FNTA: variants seen among roughly 807,000 people sequenced by gnomAD.
The protein encoded by FNTA is protein farnesyltransferase/geranylgeranyltransferase type-1 subunit alpha.
Under a neutral mutation model 55.2 loss-of-function variants are expected in FNTA, and 27 were observed. The observed-to-expected ratio is 0.49, with a 90% CI of 0.36 to 0.67. FNTA has a LOEUF of 0.67. FNTA is among the 30% of genes least tolerant of loss of function. The pLI, the probability that FNTA is intolerant of heterozygous loss-of-function variation, is 0.00. For synonymous variants in FNTA, 176 were observed against 170.7 expected (o/e 1.03, Z -0.24); for missense variants, 422 against 464.7 (o/e 0.91, Z 0.85).
intron 1 of FNTA, among the ~76,000 whole-genome samples, chr8:43,058,028 G>A (rs146114200): frequency 6.6e-6 from 1 of 152,056 alleles, no homozygotes; most frequent in Non-Finnish European, 1.5e-5. Context: ...GTTACACTGG[G>A]TAGGTAGTTC....
At chr8:43,063,587 G>A (rs776620232) in intron 2 of FNTA, among the ~76,000 whole-genome samples, 3 of 152,088 alleles carry the variant, frequency 2.0e-5, no homozygotes, top group Non-Finnish European at 4.4e-5. Context: ...ATGGAATTAG[G>A]CTATATACTT....
intron 4 of FNTA, chr8:43,070,105 T>G (rs1180203084): frequency 6.6e-6 from 1 of 150,910 alleles, no homozygotes; most frequent in Non-Finnish European, 1.5e-5. Flanking sequence ...AATACAGAAA[T>G]TAGCCGGGTG....
intron 2 of FNTA, among the ~76,000 whole-genome samples, chr8:43,061,412 G>A (rs1049769457): frequency 2.6e-5 from 4 of 152,168 alleles, no homozygotes; most frequent in Non-Finnish European, 4.4e-5. Flanking sequence ...GTAAAATGAG[G>A]ATCTTGGTAG....
At chr8:43,082,925 A>C in intron 6 of FNTA, 193 bp from the exon 7 acceptor site, 1 of 356,666 alleles carries the variant, frequency 2.8e-6, no homozygotes, top group East Asian at 6.8e-5. Flanking sequence ...GGGCGCCTGT[A>C]GTCCCAGCTA....
At chr8:43,073,275 A>C (rs1219039858) in intron 5 of FNTA, among the ~76,000 whole-genome samples, 1 of 152,230 alleles carries the variant, frequency 6.6e-6, no homozygotes, top group African/African-American at 2.4e-5. Context: ...TACATTTTAC[A>C]CATACAGCTC....
In FNTA at chr8:43,085,372, T is replaced by C; in HGVS notation, c.*90T>C. ...CACGAGAGTGGTCCTTCCCTTTGCC[T>C]GTGGTGTAAAAGTGCATCACACAGG... On this transcript the variant is annotated 3_prime_UTR_variant, in exon 9 of 9. Coordinates refer to ENST00000302279, the MANE Select transcript of FNTA (RefSeq NM_002027.3). 2 of 1,290,276 alleles carry C rather than the reference T, an allele frequency of 1.6e-6. No homozygotes were observed. The highest frequency in any genetic ancestry group is 1.3e-5 in the South Asian group (1 of 76,096). 79.9% of individuals were successfully genotyped at this position (1,290,276 alleles called of 1,614,324 possible). A position where few individuals can be genotyped will look rare whatever the true frequency, so the allele number is the denominator to read the frequency against.
Position 43,085,479 on chromosome 8 carries a change from CAA to C in FNTA, c.*199_*200del, listed in dbSNP as rs1161161082. 21 of 546,872 alleles carry C rather than the reference CAA, an allele frequency of 3.8e-5. No individual in the cohort carries two copies. The African/African-American group carries it at 4.0e-4, about 10-fold the overall frequency. The allele number at this position is 546,872 out of a possible 1,614,324, so 33.9% of individuals were successfully genotyped here. A position where few individuals can be genotyped will look rare whatever the true frequency, so the allele number is the denominator to read the frequency against. ...TCTAAGTAATGTGATTCTTCTAAAG[CAA>C]AGTCATTGGATGGGAGGAGGAAGAA... On this transcript the variant is annotated 3_prime_UTR_variant, in exon 9 of 9. Transcript: ENST00000302279.
intron 5 of FNTA, chr8:43,076,923 T>C (rs1237445476): frequency 4.7e-6 from 1 of 214,048 alleles, no homozygotes; most frequent in East Asian, 9.8e-5. Flanking sequence ...ATCAAATTTA[T>C]ATCTATACTG....
At chr8:43,061,673 T>A (rs1810535050) in intron 2 of FNTA, among the ~76,000 whole-genome samples, 1 of 152,164 alleles carries the variant, frequency 6.6e-6, no homozygotes, top group East Asian at 1.9e-4. Context: ...AATGTTGAGT[T>A]AAAAAAGTCA....
rs192508662 is a variant in FNTA, at chr8:43,064,377, A to G, written c.401+162A>G. Among the ~76,000 whole-genome samples, 38 of 152,090 alleles carry G rather than the reference A, an allele frequency of 2.5e-4. No individual in the cohort carries two copies. The East Asian group carries it at 3.9e-3, about 15-fold the overall frequency. ...CCCAGGCTGGAGTATAACTGGTACA[A>G]TCTTGGCTCACTGCAACCTCTGCCT... On this transcript the variant is annotated intron_variant, in intron 3 of 8. Coordinates refer to ENST00000302279, the MANE Select transcript of FNTA (RefSeq NM_002027.3).
intron 5 of FNTA, among the ~76,000 whole-genome samples, chr8:43,076,129 C>T (rs1305812739): frequency 6.6e-6 from 1 of 152,048 alleles, no homozygotes; most frequent in African/African-American, 2.4e-5. Context: ...TTGCAACCTC[C>T]ACCTCACGGG....
intron 8 of FNTA, 130 bp downstream of exon 8, chr8:43,085,011 C>A: frequency 3.6e-6 from 4 of 1,122,616 alleles, no homozygotes; most frequent in Non-Finnish European, 5.2e-6. Context: ...TGGTTAGGGG[C>A]AGCATTGACA....
chr8:43,057,490 G>A (rs1212310825), intron 1 of FNTA, among the ~76,000 whole-genome samples: 1 of 152,050 alleles, frequency 6.6e-6, no homozygotes, highest in African/African-American at 2.4e-5. Context: ...TGATTTCCTG[G>A]TGACTAAATA....
At position 43,084,879 on chromosome 8, in the gene FNTA, G is replaced by C; in HGVS notation, c.1015G>C (p.Glu339Gln). Residue 339 changes from glutamate to glutamine, a missense_variant and splice_region_variant, in exon 8 of 9, where the codon GAG becomes CAG. Transcript: ENST00000302279. ...NKEDILNKAL[E>Q]LCEILAKEKD... is the part of the protein sequence containing the mutation. Reference sequence around the variant, plus strand: ...GGAAGACATTCTTAATAAAGCATTAGAGGTAAGCTGGTGGGGCTCAGTGCT... The same window carrying C: ...GGAAGACATTCTTAATAAAGCATTACAGGTAAGCTGGTGGGGCTCAGTGCT... 6.2e-7 allele frequency: 1 copy of C among 1,613,550 alleles called. No individual in the cohort carries two copies. The highest frequency in any genetic ancestry group is 1.3e-5 in the African/African-American group (1 of 75,014).
intron 3 of FNTA, among the ~76,000 whole-genome samples, 165 bp downstream of exon 3, chr8:43,064,380 T>C (rs925345183): frequency 6.6e-6 from 1 of 152,166 alleles, no homozygotes; most frequent in African/African-American, 2.4e-5. Context: ...TGGTACAATC[T>C]TGGCTCACTG....
chr8:43,069,423 A>G (rs1810735028), intron 3 of FNTA, 132 bp from the exon 4 acceptor site: 1 of 616,246 alleles, frequency 1.6e-6, no homozygotes. Context: ...CTTGGCCTAT[A>G]ATTGTTAAAT....
chr8:43,056,383 G>A lies in FNTA; in HGVS notation c.37G>A (p.Gly13Arg). Reference protein sequence around the residue: ...ATEGVGEAAQGGEPGQPAQPP... With the variant: ...ATEGVGEAAQRGEPGQPAQPP... ...CGAGGGGGTCGGGGAGGCTGCGCAA[G>A]GGGGCGAGCCCGGGCAGCCGGCGCA... is the stretch of plus-strand genomic sequence containing the variant. The change falls in exon 1 of 9, where the codon GGG becomes AGG. Residue 13 changes from glycine (G) to arginine (R), a missense_variant. Around this residue, in one of 2 missense-constraint regions of FNTA, gnomAD observed 160 missense variants for 121.6 expected, o/e 1.32. Coordinates refer to ENST00000302279, the MANE Select transcript of FNTA (RefSeq NM_002027.3). 1.4e-6 allele frequency: 2 copies of A among 1,478,794 alleles called. No individual in the cohort carries two copies. Among genetic ancestry groups the A allele is most frequent in the Non-Finnish European group, 1.8e-6 (2 of 1,117,672 alleles). 91.6% of individuals were successfully genotyped at this position (1,478,794 alleles called of 1,614,324 possible). A position where few individuals can be genotyped will look rare whatever the true frequency, so the allele number is the denominator to read the frequency against.
chr8:43,063,672 G>C (rs1370537385), intron 2 of FNTA, among the ~76,000 whole-genome samples: 1 of 152,092 alleles, frequency 6.6e-6, no homozygotes. Context: ...AGGAGGCTTG[G>C]GAATTTAGTG....
At chr8:43,073,713 G>T (rs1388336780) in intron 5 of FNTA, 1 of 152,034 alleles carries the variant, frequency 6.6e-6, no homozygotes, top group East Asian at 1.9e-4. Context: ...CAGTGATTGT[G>T]CCCCCTAGGG....
Sources: gnomAD v4.1 joint callset for allele counts (sites outside exome capture counted in the v4.1 genomes callset) on GRCh38, gnomAD v4.1.1 for gene constraint, gnomAD v4.1.1 regional missense constraint, MANE v1.5 for transcripts, NCBI Gene and HGNC (gene_info 2026-07-23, HGNC 2026-07-21) for gene names.